Variants in BCKDHB observed in about 807,000 individuals in gnomAD.
The protein encoded by BCKDHB is branched chain keto acid dehydrogenase E1 subunit beta.
Under a neutral mutation model 48.5 loss-of-function variants are expected in BCKDHB, and 41 were observed. The observed-to-expected ratio is 0.85, with a 90% CI of 0.66 to 1.10. BCKDHB has a LOEUF of 1.10. BCKDHB is among the 50% of genes least tolerant of loss of function. The pLI is 0.00. For missense variants in BCKDHB, 496 were observed against 494.2 expected (o/e 1.00, Z -0.03); for synonymous variants, 201 against 174.8 (o/e 1.15, Z -1.18).
At chr6:80,246,888 C>G (rs1023297677) in intron 8 of BCKDHB, among the ~76,000 whole-genome samples, 34 of 152,010 alleles carry the variant, frequency 2.2e-4, no homozygotes, top group African/African-American at 8.0e-4. Flanking sequence ...TTCCCCCACC[C>G]CTCTCCCCCA....
intron 3 of BCKDHB, among the ~76,000 whole-genome samples, chr6:80,143,423 T>C (rs189954721): frequency 3.3e-5 from 5 of 152,294 alleles, no homozygotes; most frequent in Admixed American, 6.5e-5. Context: ...GGAAAAGTTA[T>C]TTTCCAGTCA....
At chr6:80,452,245 G>A in the BCKDHB span, among the ~76,000 whole-genome samples, 3 of 152,180 alleles carry the variant, frequency 2.0e-5, no homozygotes, top group Non-Finnish European at 4.4e-5. Flanking sequence ...GATTTCAGTG[G>A]GGTAGAGATG....
At chr6:80,462,424 G>A in the BCKDHB span, among the ~76,000 whole-genome samples, 1 of 152,100 alleles carries the variant, frequency 6.6e-6, no homozygotes, top group Non-Finnish European at 1.5e-5. Context: ...TTCAAATATC[G>A]TGCATTATTT....
intron 3 of BCKDHB, among the ~76,000 whole-genome samples, chr6:80,148,005 G>A (rs1771573570): frequency 6.6e-6 from 1 of 152,156 alleles, no homozygotes; most frequent in African/African-American, 2.4e-5. Flanking sequence ...GAGGCCATTG[G>A]TACTTGCTGA....
At chr6:80,409,811 G>A in the BCKDHB span, among the ~76,000 whole-genome samples, 1 of 151,374 alleles carries the variant, frequency 6.6e-6, no homozygotes, top group African/African-American at 2.4e-5. Context: ...TTGAGCCTAT[G>A]TGTGTCTCTG....
chr6:80,190,174 A>G (rs551257855), intron 6 of BCKDHB, among the ~76,000 whole-genome samples: 3 of 152,154 alleles, frequency 2.0e-5, no homozygotes, highest in Admixed American at 1.3e-4. Flanking sequence ...ATTTGAGAAA[A>G]TGGTAGGGAA....
intron 9 of BCKDHB, among the ~76,000 whole-genome samples, chr6:80,317,864 C>G (rs1357721508): frequency 6.6e-6 from 1 of 152,144 alleles, no homozygotes; most frequent in Non-Finnish European, 1.5e-5. Context: ...AGGCTCCAGG[C>G]CAGGGCTTCT....
At chr6:80,347,656 T>C (rs1339378855), downstream of BCKDHB, among the ~76,000 whole-genome samples, 5 of 152,214 alleles carry the variant, frequency 3.3e-5, no homozygotes, top group Non-Finnish European at 7.3e-5. Context: ...AAATAGCAAG[T>C]GTGAGAATAA....
chr6:80,354,247 A>T, the BCKDHB span, among the ~76,000 whole-genome samples: 1 of 151,768 alleles, frequency 6.6e-6, no homozygotes, highest in South Asian at 2.1e-4. Flanking sequence ...TTATTTTTTT[A>T]TACAGAGTCT....
At chr6:80,405,587 G>T in the BCKDHB span, among the ~76,000 whole-genome samples, 2 of 151,902 alleles carry the variant, frequency 1.3e-5, no homozygotes, top group African/African-American at 4.8e-5. Context: ...TGGCTATTTT[G>T]TAGTTCCTTT....
intron 3 of BCKDHB, among the ~76,000 whole-genome samples, chr6:80,136,537 T>C (rs1770894653): frequency 6.6e-6 from 1 of 152,100 alleles, no homozygotes; most frequent in African/African-American, 2.4e-5. Context: ...CTTCGTGAAA[T>C]TGGATTTGAT....
At chr6:80,181,310 A>G (rs1773401874) in intron 6 of BCKDHB, among the ~76,000 whole-genome samples, 1 of 152,230 alleles carries the variant, frequency 6.6e-6, no homozygotes, top group South Asian at 2.1e-4. Flanking sequence ...ACACAATATT[A>G]TAATTAAGGC....
intron 6 of BCKDHB, among the ~76,000 whole-genome samples, chr6:80,184,766 A>G (rs1234605836): frequency 6.6e-6 from 1 of 152,192 alleles, no homozygotes; most frequent in Non-Finnish European, 1.5e-5. Context: ...ATAGGACCCT[A>G]ATCCCTCTTG....
intron 8 of BCKDHB, among the ~76,000 whole-genome samples, chr6:80,227,496 T>C (rs916779888): frequency 6.6e-6 from 1 of 152,236 alleles, no homozygotes; most frequent in Non-Finnish European, 1.5e-5. Context: ...TGAATTATGC[T>C]CACTCTGAAA....
the BCKDHB span, among the ~76,000 whole-genome samples, chr6:80,430,601 T>A: frequency 6.6e-6 from 1 of 152,178 alleles, no homozygotes; most frequent in African/African-American, 2.4e-5. Context: ...TCTAGTTTAT[T>A]TGTGTAGAGG....
Position 80,338,799 on chromosome 6 carries a change from C to A in BCKDHB, c.1039-4865C>A, listed in dbSNP as rs138550788. Among the ~76,000 whole-genome samples the A allele has an allele frequency of 9.9e-4, 150 of 152,154 alleles. 2 individuals are homozygous for A. In the East Asian group the frequency reaches 0.021, roughly 22 times the overall value. The stretch of plus-strand genomic sequence containing the variant: ...ACCAGGTACTTTTTATATGCTACTG[C>A]AGAATCTAAGTAGACATAGAGGCAA... On this transcript the variant is annotated intron_variant, in intron 9 of 9. Transcript: ENST00000320393.
the BCKDHB span, among the ~76,000 whole-genome samples, chr6:80,418,271 C>T: frequency 1.3e-5 from 2 of 151,364 alleles, no homozygotes; most frequent in East Asian, 4.0e-4. Context: ...TATCCATATT[C>T]TAAATTCTAT....
chr6:80,300,897 A>T (rs1332636670), intron 9 of BCKDHB, among the ~76,000 whole-genome samples: 1 of 152,198 alleles, frequency 6.6e-6, no homozygotes, highest in African/African-American at 2.4e-5. Context: ...TTTGCTCCTG[A>T]ATAACTACAC....
chr6:80,431,774 A>G, the BCKDHB span, among the ~76,000 whole-genome samples: 3 of 152,112 alleles, frequency 2.0e-5, no homozygotes, highest in Non-Finnish European at 4.4e-5. Context: ...ACTCTATCCA[A>G]TTTGCCAGTC....
Sources: allele counts gnomAD v4.1 joint callset (sites outside exome capture counted in the v4.1 genomes callset), GRCh38; gene constraint gnomAD v4.1.1; transcripts MANE v1.5; gene names NCBI Gene and HGNC (gene_info 2026-07-23, HGNC 2026-07-21).